The following SGCD variants were observed in gnomAD, a reference collection of about 807,000 sequenced individuals.
The protein encoded by SGCD is sarcoglycan delta.
A neutral mutation model predicts 36.6 loss-of-function variants in SGCD; 18 were observed. That is an observed-to-expected ratio of 0.49 (90% CI 0.34 to 0.73). The LOEUF (loss-of-function observed/expected upper bound fraction) is 0.73. Among genes scored for constraint, SGCD ranks in the 30% least tolerant of loss-of-function variants. SGCD has a pLI of 0.01. For synonymous variants in SGCD, 133 were observed against 130.6 expected (o/e 1.02, Z -0.12); for missense variants, 387 against 346.7 (o/e 1.12, Z -0.92).
chr5:156,406,812 A>ATG (rs1772445126), intron 3 of SGCD, among the ~76,000 whole-genome samples: 1 of 117,188 alleles, frequency 8.5e-6, no homozygotes, highest in African/African-American at 3.5e-5. Flanking sequence ...ATATATATAT[A>ATG]TATATATACA....
At chr5:156,631,737 T>G (rs1762642839) in intron 6 of SGCD, among the ~76,000 whole-genome samples, 1 of 152,114 alleles carries the variant, frequency 6.6e-6, no homozygotes, top group African/African-American at 2.4e-5. Flanking sequence ...TATTGAAAAT[T>G]GACTAGCTTC....
At chr5:156,427,214 T>G (rs941336565) in intron 3 of SGCD, among the ~76,000 whole-genome samples, 1 of 152,194 alleles carries the variant, frequency 6.6e-6, no homozygotes, top group African/African-American at 2.4e-5. Context: ...CACATATGAT[T>G]TCTTTAAGCA....
chr5:155,858,286 TTG>T, the SGCD span, among the ~76,000 whole-genome samples: 2 of 152,154 alleles, frequency 1.3e-5, no homozygotes, highest in South Asian at 4.1e-4. Context: ...CTCTACAAGC[TTG>T]TTTGGGTATG....
chr5:156,365,714 A>G (rs1770060866), intron 3 of SGCD, among the ~76,000 whole-genome samples: 1 of 152,170 alleles, frequency 6.6e-6, no homozygotes, highest in African/African-American at 2.4e-5. Flanking sequence ...GTATGTAGAC[A>G]TATATACAAT....
the SGCD span, among the ~76,000 whole-genome samples, chr5:155,801,385 G>A: frequency 6.6e-6 from 1 of 152,178 alleles, no homozygotes. Context: ...AGAGCTCAGG[G>A]AGACTCAGCA....
the SGCD span, among the ~76,000 whole-genome samples, chr5:155,845,927 G>A: frequency 6.6e-6 from 1 of 152,044 alleles, no homozygotes; most frequent in Non-Finnish European, 1.5e-5. Flanking sequence ...TCATTTTTCT[G>A]GGCCATTTGC....
At chr5:155,938,190 A>G (rs910814617) in intron 1 of SGCD, among the ~76,000 whole-genome samples, 7 of 152,314 alleles carry the variant, frequency 4.6e-5, no homozygotes, top group Middle Eastern at 3.4e-3. Flanking sequence ...TGCCTGTGAT[A>G]CTTAGATCAC....
At chr5:156,174,246 C>T (rs1037957212) in intron 3 of SGCD, among the ~76,000 whole-genome samples, 3 of 152,074 alleles carry the variant, frequency 2.0e-5, no homozygotes, top group Non-Finnish European at 2.9e-5. Flanking sequence ...AAATTGAAGT[C>T]GGTAGAGGGG....
chr5:155,871,030 T>C (rs886305243), intron 1 of SGCD, among the ~76,000 whole-genome samples: 2 of 152,144 alleles, frequency 1.3e-5, no homozygotes, highest in African/African-American at 2.4e-5. Context: ...GTGTATCATA[T>C]GATTGATTTC....
At chr5:156,695,508 GATGGATAGATA>G (rs1561861870) in intron 7 of SGCD, among the ~76,000 whole-genome samples, 104 of 138,414 alleles carry the variant, frequency 7.5e-4, no homozygotes, top group African/African-American at 1.4e-3. Flanking sequence ...TAGATAGATA[GATGGATAGATA>G]GATAGATAGA....
At chr5:156,415,126 A>T (rs1408342030) in intron 3 of SGCD, among the ~76,000 whole-genome samples, 2 of 152,162 alleles carry the variant, frequency 1.3e-5, no homozygotes, top group Admixed American at 1.3e-4. Context: ...GATATACAGT[A>T]AAGGTCTGTC....
chr5:155,730,475 G>GTGTGTGTGTGTGTGTGTGTGTGTGT, the SGCD span, among the ~76,000 whole-genome samples: 5 of 151,192 alleles, frequency 3.3e-5, no homozygotes, highest in African/African-American at 7.3e-5. Context: ...GTGTGTGTGT[G>GTGTGTGTGTGTGTGTGTGTGTGTGT]GCGAGGGGAA....
At chr5:156,242,731 T>C (rs1765335620) in intron 3 of SGCD, among the ~76,000 whole-genome samples, 1 of 152,204 alleles carries the variant, frequency 6.6e-6, no homozygotes, top group Non-Finnish European at 1.5e-5. Flanking sequence ...GTAGGCGGAC[T>C]GCCCCATGCA....
chr5:155,762,985 A>G, the SGCD span, among the ~76,000 whole-genome samples: 4 of 152,176 alleles, frequency 2.6e-5, no homozygotes, highest in South Asian at 8.3e-4. Context: ...TCCTGAATTG[A>G]CATTCTGGTC....
chr5:155,834,197 C>CTG, the SGCD span, among the ~76,000 whole-genome samples: 133,761 of 152,088 alleles, frequency 0.88, 58,902 homozygotes, highest in East Asian at 0.99. Flanking sequence ...TCCTTTAAGA[C>CTG]TAAATACTCC....
the SGCD span, among the ~76,000 whole-genome samples, chr5:155,748,428 T>C: frequency 6.6e-6 from 1 of 152,160 alleles, no homozygotes; most frequent in South Asian, 2.1e-4. Flanking sequence ...CTAATCTGAC[T>C]ACTACCACAG....
intron 4 of SGCD, among the ~76,000 whole-genome samples, chr5:156,541,036 G>T (rs994577338): frequency 6.6e-6 from 1 of 152,116 alleles, no homozygotes; most frequent in African/African-American, 2.4e-5. Context: ...TCTTATGAAA[G>T]GTATCTCTGA....
At chr5:156,295,960 G>A (rs1766882271) in intron 3 of SGCD, among the ~76,000 whole-genome samples, 1 of 152,170 alleles carries the variant, frequency 6.6e-6, no homozygotes, top group Non-Finnish European at 1.5e-5. Context: ...GGGCCAGTGG[G>A]AAAAGGGAGC....
chr5:155,839,072 T>A, the SGCD span, among the ~76,000 whole-genome samples: 6 of 150,750 alleles, frequency 4.0e-5, no homozygotes, highest in Non-Finnish European at 8.9e-5. Context: ...ATGGTTACAT[T>A]CTTGTGAGAC....
Sources: gnomAD v4.1 joint callset for allele counts (sites outside exome capture counted in the v4.1 genomes callset) on GRCh38, gnomAD v4.1.1 for gene constraint, MANE v1.5 for transcripts, NCBI Gene and HGNC (gene_info 2026-07-23, HGNC 2026-07-21) for gene names.